PCCA: variants seen among roughly 807,000 people sequenced by gnomAD.
PCCA encodes the protein propionyl-CoA carboxylase subunit alpha.
In PCCA, 74 loss-of-function variants were observed where a neutral mutation model predicts 101.3. The observed-to-expected ratio is 0.73, with a 90% CI of 0.61 to 0.89. PCCA has a LOEUF of 0.89. Among genes scored for constraint, PCCA ranks in the 40% least tolerant of loss-of-function variants. The pLI is 0.00. For missense variants in PCCA, 891 were observed against 907.0 expected (o/e 0.98, Z 0.23); for synonymous variants, 294 against 313.6 (o/e 0.94, Z 0.66).
At chr13:100,477,795 A>C (rs1471470026) in intron 21 of PCCA, among the ~76,000 whole-genome samples, 2 of 152,150 alleles carry the variant, frequency 1.3e-5, no homozygotes, top group Admixed American at 1.3e-4. Flanking sequence ...TTCACCCCTG[A>C]GTCCTGATTT....
At chr13:100,374,469 A>G (rs183089878) in intron 19 of PCCA, among the ~76,000 whole-genome samples, 303 of 152,300 alleles carry the variant, frequency 2.0e-3, no homozygotes, top group African/African-American at 6.9e-3. Flanking sequence ...AAAACTGGTC[A>G]AAATAGTTTT....
rs550772364 is a variant in PCCA, at chr13:100,197,761, G to C, written c.469-11571G>C. ...ATGATTATTGTTTAAAGTACACTGA[G>C]TTCAGGTTAAAAACCAACTGCCAAA... On this transcript the variant is annotated intron_variant, in intron 6 of 23. Coordinates refer to ENST00000376285, the MANE Select transcript of PCCA (RefSeq NM_000282.4). Among the ~76,000 whole-genome samples the C allele has an allele frequency of 2.0e-5, 3 of 152,240 alleles. No individual in the cohort carries two copies. In the East Asian group the frequency reaches 5.8e-4, roughly 29 times the overall value.
At chr13:100,420,710 C>G (rs969161957) in intron 19 of PCCA, among the ~76,000 whole-genome samples, 2 of 152,180 alleles carry the variant, frequency 1.3e-5, no homozygotes, top group African/African-American at 4.8e-5. Flanking sequence ...GAGAGATTAT[C>G]TGAAACACAT....
chr13:100,497,195 T>G (rs2085337277), intron 21 of PCCA, among the ~76,000 whole-genome samples: 1 of 152,192 alleles, frequency 6.6e-6, no homozygotes, highest in Non-Finnish European at 1.5e-5. Context: ...CACAGTTAAT[T>G]TGGTTGCACT....
chr13:100,106,945 A>G (rs895472101), intron 2 of PCCA, among the ~76,000 whole-genome samples: 3 of 152,142 alleles, frequency 2.0e-5, no homozygotes, highest in Non-Finnish European at 4.4e-5. Context: ...ACATGTTCAG[A>G]CTAAGTTGGT....
intron 21 of PCCA, among the ~76,000 whole-genome samples, chr13:100,478,235 A>G (rs995279467): frequency 1.3e-5 from 2 of 152,182 alleles, no homozygotes; most frequent in African/African-American, 4.8e-5. Context: ...CCTCCAGAGA[A>G]AAGTTTTGAA....
intron 18 of PCCA, among the ~76,000 whole-genome samples, chr13:100,348,923 T>TCTTTCTTTCTTTCCTTCCTTCCTTCCTTC (rs2072894970): frequency 2.3e-5 from 1 of 42,718 alleles, no homozygotes; most frequent in Non-Finnish European, 5.6e-5. Flanking sequence ...TCTTTTCTTT[T>TCTTTCTTTCTTTCCTTCCTTCCTTCCTTC]CTTTTCTTTT....
chr13:100,166,304 A>G (rs143413289), intron 6 of PCCA, among the ~76,000 whole-genome samples: 8 of 152,040 alleles, frequency 5.3e-5, no homozygotes, highest in African/African-American at 1.7e-4. Context: ...TCAGTACTTC[A>G]TTCCCTGTTT....
intron 4 of PCCA, chr13:100,150,343 T>G (rs2053147915): frequency 5.1e-6 from 1 of 196,262 alleles, no homozygotes; most frequent in African/African-American, 2.4e-5. Flanking sequence ...CAGGCATACT[T>G]TTTAACCTAT....
At chr13:100,475,936 T>G (rs1005787334) in intron 21 of PCCA, among the ~76,000 whole-genome samples, 1 of 152,340 alleles carries the variant, frequency 6.6e-6, no homozygotes, top group Non-Finnish European at 1.5e-5. Context: ...AAATTGTGTA[T>G]GTTAATTTGT....
intron 8 of PCCA, among the ~76,000 whole-genome samples, chr13:100,242,601 A>C (rs2061206988): frequency 6.6e-6 from 1 of 152,180 alleles, no homozygotes; most frequent in Non-Finnish European, 1.5e-5. Context: ...CATTTTTCTC[A>C]AGTAACTATT....
intron 4 of PCCA, chr13:100,150,715 G>C: frequency 1.9e-6 from 3 of 1,578,954 alleles, no homozygotes; most frequent in Non-Finnish European, 2.6e-6. Flanking sequence ...CAAAAAATTT[G>C]TATGTGGAAT....
At chr13:100,142,904 C>T (rs186826867) in intron 4 of PCCA, among the ~76,000 whole-genome samples, 1 of 152,140 alleles carries the variant, frequency 6.6e-6, no homozygotes, top group African/African-American at 2.4e-5. Context: ...TATCAGGCTC[C>T]CTGTGTATGA....
chr13:100,197,009 G>A (rs1000282337), intron 6 of PCCA, among the ~76,000 whole-genome samples: 12 of 152,032 alleles, frequency 7.9e-5, no homozygotes, highest in Non-Finnish European at 1.8e-4. Context: ...GTCAATGTTG[G>A]GGAAAATTAA....
chr13:100,411,656 C>T (rs933204931), intron 19 of PCCA, among the ~76,000 whole-genome samples: 1 of 152,140 alleles, frequency 6.6e-6, no homozygotes, highest in African/African-American at 2.4e-5. Context: ...GCTGATAAGT[C>T]CAAAATCAAG....
rs142727398 is a variant in PCCA at position 100,301,023 on chromosome 13, A to T, written c.1066-437A>T. 2.5e-3 allele frequency among the ~76,000 whole-genome samples: 379 copies of T among 152,332 alleles called. 2 individuals are homozygous for T. The highest frequency in any genetic ancestry group is 8.8e-3 in the African/African-American group (365 of 41,590). On this transcript the variant is annotated intron_variant, in intron 12 of 23. Coordinates refer to ENST00000376285, the MANE Select transcript of PCCA (RefSeq NM_000282.4). ...CAGGACAGGTTAGTGAAAGCATGCA[A>T]GTGGGTGAGACTTAGGGTGGACTAG...
At chr13:100,118,174 C>T (rs1480193504) in intron 4 of PCCA, among the ~76,000 whole-genome samples, 1 of 151,666 alleles carries the variant, frequency 6.6e-6, no homozygotes, top group African/African-American at 2.4e-5. Flanking sequence ...GCATTTTACC[C>T]GTAAATACTA....
chr13:100,301,721 G>C, intron 13 of PCCA, 118 bp downstream of exon 13: 3 of 1,150,122 alleles, frequency 2.6e-6, no homozygotes, highest in Non-Finnish European at 3.9e-6. Context: ...ATTGGATTAC[G>C]TAATCCATAA....
intron 21 of PCCA, among the ~76,000 whole-genome samples, chr13:100,456,800 G>A (rs534172250): frequency 6.6e-6 from 1 of 152,198 alleles, no homozygotes; most frequent in Non-Finnish European, 1.5e-5. Context: ...GAACATGAAA[G>A]TGGACAAGGA....
Sources: allele counts gnomAD v4.1 joint callset (sites outside exome capture counted in the v4.1 genomes callset), GRCh38; gene constraint gnomAD v4.1.1; transcripts MANE v1.5; gene names NCBI Gene and HGNC (gene_info 2026-07-23, HGNC 2026-07-21).